Variants in CSMD1 observed in about 807,000 individuals in gnomAD.
CSMD1 encodes the protein CUB and sushi domain-containing protein 1.
In CSMD1, 213 loss-of-function variants were observed where a neutral mutation model predicts 417.5. That is an observed-to-expected ratio of 0.51 (90% CI 0.46 to 0.57). CSMD1 has a LOEUF of 0.57. Among genes scored for constraint, CSMD1 ranks in the 20% least tolerant of loss-of-function variants. The probability of loss-of-function intolerance (pLI) is 0.00; values close to 1 mark genes in which losing one functional copy is unlikely to be tolerated. For missense variants in CSMD1, 6,923 were observed against 4,529.7 expected, an observed-to-expected ratio of 1.53 and a Z score of -15.17; for synonymous variants, 2,862 against 1,736.8, an observed-to-expected ratio of 1.65 and a Z score of -16.11.
At position 4,750,445 on chromosome 8, in the gene CSMD1, T is replaced by G. The variant is rs187229696; in HGVS notation, c.86-112887A>C. 7.3e-4 allele frequency among the ~76,000 whole-genome samples: 111 copies of G among 152,330 alleles called. 1 individual carries two copies. The East Asian group carries it at 0.012, about 16-fold the overall frequency. On this transcript the variant is annotated intron_variant, in intron 1 of 69. Transcript: ENST00000635120. ...TGCAATTAAATGGTTTAGAAAACCTTGGATTAAATAATATCTAAAACTCTT... is the reference window on the plus strand; with the variant it reads ...TGCAATTAAATGGTTTAGAAAACCTGGGATTAAATAATATCTAAAACTCTT...
chr8:3,304,898 A>G (rs1804702866), intron 25 of CSMD1, among the ~76,000 whole-genome samples: 2 of 152,222 alleles, frequency 1.3e-5, no homozygotes, highest in South Asian at 4.1e-4. Flanking sequence ...AAATTCTTCT[A>G]AAAGAAGATA....
intron 1 of CSMD1, among the ~76,000 whole-genome samples, chr8:4,764,885 A>AAAAAAAACAAAACAAAAC (rs1812348412): frequency 1.3e-5 from 1 of 74,808 alleles, no homozygotes; most frequent in East Asian, 3.5e-4. Context: ...AAAAAAAAAA[A>AAAAAAAACAAAACAAAAC]AAAAAAAAAC....
At chr8:4,027,802 C>T (rs973017112) in intron 4 of CSMD1, among the ~76,000 whole-genome samples, 2 of 151,908 alleles carry the variant, frequency 1.3e-5, no homozygotes, top group Admixed American at 6.6e-5. Flanking sequence ...GGAAGTAAGG[C>T]CAAGACACTT....
intron 3 of CSMD1, among the ~76,000 whole-genome samples, chr8:4,254,002 T>A (rs955209190): frequency 1.5e-4 from 22 of 142,398 alleles, no homozygotes; most frequent in Admixed American, 1.1e-3. Context: ...CTGCAAGCTC[T>A]GCCTCCAGGG....
At chr8:4,773,631 T>G (rs1165202596) in intron 1 of CSMD1, among the ~76,000 whole-genome samples, 2 of 152,196 alleles carry the variant, frequency 1.3e-5, no homozygotes, top group Non-Finnish European at 1.5e-5. Context: ...CATCTCCTTT[T>G]GGGTTATTGA....
At chr8:3,108,874 G>C in intron 43 of CSMD1, 126 bp from the exon 44 acceptor site, 2 of 920,524 alleles carry the variant, frequency 2.2e-6, no homozygotes, top group Non-Finnish European at 3.2e-6. Context: ...TCAGGATACT[G>C]TGTTTGTAAA....
intron 57 of CSMD1, among the ~76,000 whole-genome samples, chr8:2,971,735 T>C (rs1804474966): frequency 6.6e-6 from 1 of 152,214 alleles, no homozygotes; most frequent in Non-Finnish European, 1.5e-5. Flanking sequence ...CATTTGCATT[T>C]GATTAACAAA....
intron 10 of CSMD1, among the ~76,000 whole-genome samples, chr8:3,502,221 C>T (rs1472726376): frequency 2.6e-5 from 4 of 151,778 alleles, no homozygotes; most frequent in South Asian, 4.2e-4. Flanking sequence ...AAAAATTAGC[C>T]GGGCATGGTG....
At chr8:3,886,132 C>A (rs1806548522) in intron 5 of CSMD1, among the ~76,000 whole-genome samples, 1 of 151,974 alleles carries the variant, frequency 6.6e-6, no homozygotes, top group Non-Finnish European at 1.5e-5. Flanking sequence ...CTCACTGCAA[C>A]CTCTGTCTCT....
At position 3,089,509 on chromosome 8, in the gene CSMD1, T is replaced by G. The variant is rs187816538; in HGVS notation, c.7285+2007A>C. ...TTTTATGCCTGAATGATCAAGAGTT[T>G]ACGTGCATAGGGCAAATACATGTTG... On this transcript the variant is annotated intron_variant, in intron 48 of 69. Coordinates refer to ENST00000635120, the MANE Select transcript of CSMD1 (RefSeq NM_033225.6). 3.3e-4 allele frequency among the ~76,000 whole-genome samples: 51 copies of G among 152,354 alleles called. No homozygotes were observed. In the East Asian group the frequency reaches 8.1e-3, roughly 24 times the overall value.
At chr8:4,851,869 A>C (rs1348205747) in intron 1 of CSMD1, among the ~76,000 whole-genome samples, 1 of 152,170 alleles carries the variant, frequency 6.6e-6, no homozygotes, top group Non-Finnish European at 1.5e-5. Flanking sequence ...AGATTTCAGA[A>C]TATTTCTCAC....
intron 21 of CSMD1, 83 bp from the exon 22 acceptor site, chr8:3,348,244 T>G: frequency 2.1e-6 from 2 of 935,162 alleles, no homozygotes; most frequent in Non-Finnish European, 3.3e-6. Flanking sequence ...AAAATCATGA[T>G]AGCCTCCTCT....
intron 5 of CSMD1, among the ~76,000 whole-genome samples, chr8:3,989,947 G>C (rs1276207994): frequency 6.6e-6 from 1 of 152,162 alleles, no homozygotes; most frequent in African/African-American, 2.4e-5. Context: ...GATATTCATG[G>C]CTTCAAGAGA....
chr8:3,072,853 G>C (rs1186882537), intron 49 of CSMD1, among the ~76,000 whole-genome samples: 1 of 152,084 alleles, frequency 6.6e-6, no homozygotes, highest in African/African-American at 2.4e-5. Context: ...CCACTTTTCA[G>C]TATTAATGGG....
intron 3 of CSMD1, among the ~76,000 whole-genome samples, chr8:4,279,104 C>G (rs1796641935): frequency 6.6e-6 from 1 of 152,098 alleles, no homozygotes; most frequent in African/African-American, 2.4e-5. Context: ...TTAAAAAACA[C>G]CAACCGTATT....
intron 2 of CSMD1, among the ~76,000 whole-genome samples, chr8:4,550,366 C>G (rs998198479): frequency 5.3e-5 from 8 of 151,010 alleles, no homozygotes; most frequent in Non-Finnish European, 1.2e-4. Flanking sequence ...CACACAAACC[C>G]GGTCCCTAGA....
chr8:3,399,660 T>A (rs1811920034), intron 15 of CSMD1, 131 bp from the exon 16 acceptor site: 2 of 645,694 alleles, frequency 3.1e-6, no homozygotes, highest in Non-Finnish European at 4.8e-6. Flanking sequence ...AAGCAAATCT[T>A]ATTCCCAAGG....
intron 10 of CSMD1, among the ~76,000 whole-genome samples, chr8:3,499,042 G>A (rs1796483984): frequency 6.6e-6 from 1 of 152,030 alleles, no homozygotes; most frequent in South Asian, 2.1e-4. Context: ...TTCCCTTGGG[G>A]GTGTCATGTT....
chr8:4,954,773 C>T (rs903157859), intron 1 of CSMD1, among the ~76,000 whole-genome samples: 1 of 152,086 alleles, frequency 6.6e-6, no homozygotes, highest in Non-Finnish European at 1.5e-5. Context: ...TGCTATTACA[C>T]AGAATTACGG....
Sources: allele counts gnomAD v4.1 joint callset (sites outside exome capture counted in the v4.1 genomes callset), GRCh38; gene constraint gnomAD v4.1.1; transcripts MANE v1.5; gene names NCBI Gene and HGNC (gene_info 2026-07-23, HGNC 2026-07-21).